RBFOX1: variants seen among roughly 807,000 people sequenced by gnomAD.
RBFOX1 encodes RNA binding fox-1 homolog 1.
RBFOX1 carries 8 observed loss-of-function variants against 57.7 expected under a neutral mutation model. The observed-to-expected ratio is 0.14, with a 90% CI of 0.08 to 0.25. The LOEUF (loss-of-function observed/expected upper bound fraction) is 0.25. Among genes scored for constraint, RBFOX1 ranks in the 10% least tolerant of loss-of-function variants. RBFOX1 has a pLI of 1.00. For missense variants in RBFOX1, 611 were observed against 548.5 expected, an observed-to-expected ratio of 1.11 and a Z score of -1.14; for synonymous variants, 326 against 222.4, an observed-to-expected ratio of 1.47 and a Z score of -4.15.
chr16:6,354,307 C>T (rs2086904395), intron 2 of RBFOX1, among the ~76,000 whole-genome samples: 4 of 152,234 alleles, frequency 2.6e-5, no homozygotes, highest in Admixed American at 6.5e-5. Context: ...GAGCTTTTGG[C>T]TTCTGTTGCT....
At chr16:5,662,183 C>G (rs1419209023) in intron 3 of RBFOX1, among the ~76,000 whole-genome samples, 1 of 152,150 alleles carries the variant, frequency 6.6e-6, no homozygotes, top group Non-Finnish European at 1.5e-5. Flanking sequence ...GGATTCGTAT[C>G]AAAGTTGATA....
intron 3 of RBFOX1, among the ~76,000 whole-genome samples, chr16:6,966,813 G>T (rs377054720): frequency 6.7e-6 from 1 of 150,072 alleles, no homozygotes; most frequent in Admixed American, 6.6e-5. Context: ...CTGTCTGTCT[G>T]TCTGTCTATC....
rs371938332 is a variant in RBFOX1 at position 5,337,454 on chromosome 16, A to AT, written c.219+97356dup. ...AATTAGTTTATAGACCCTCTAAAAT[A>AT]TTTTTTTCCTAAGTAAATGCAGAAA... On this transcript the variant is annotated intron_variant, in intron 1 of 2. Transcript: ENST00000585867. 4.7e-3 allele frequency among the ~76,000 whole-genome samples: 713 copies of AT among 152,184 alleles called. 2 individuals carry two copies. The highest frequency in any genetic ancestry group is 0.027 in the Middle Eastern group (8 of 294).
intron 3 of RBFOX1, among the ~76,000 whole-genome samples, chr16:5,648,641 C>G (rs2049126917): frequency 2.0e-5 from 3 of 152,166 alleles, no homozygotes; most frequent in Admixed American, 6.5e-5. Flanking sequence ...AGAGTTGACG[C>G]TGAGAAACTC....
At chr16:6,366,442 G>C (rs574932461) in intron 2 of RBFOX1, among the ~76,000 whole-genome samples, 1 of 152,034 alleles carries the variant, frequency 6.6e-6, no homozygotes, top group Non-Finnish European at 1.5e-5. Context: ...TTCATGGAGA[G>C]ATATGAGACA....
At chr16:6,505,499 G>A (rs756484786) in intron 2 of RBFOX1, among the ~76,000 whole-genome samples, 14 of 152,120 alleles carry the variant, frequency 9.2e-5, no homozygotes, top group East Asian at 5.8e-4. Flanking sequence ...AGGTATTCTC[G>A]AATGCAGTTT....
At chr16:5,263,415 G>C (rs1373969985) in intron 1 of RBFOX1, among the ~76,000 whole-genome samples, 1 of 152,174 alleles carries the variant, frequency 6.6e-6, no homozygotes, top group Non-Finnish European at 1.5e-5. Context: ...GGGAACACAG[G>C]AAAGGAGCTG....
At chr16:6,129,943 A>G (rs1220756276) in intron 1 of RBFOX1, among the ~76,000 whole-genome samples, 2 of 152,158 alleles carry the variant, frequency 1.3e-5, no homozygotes, top group East Asian at 3.9e-4. Context: ...ACTGGCAAAA[A>G]TATTCTTAAA....
chr16:5,915,747 G>A (rs1164210989), intron 4 of RBFOX1, among the ~76,000 whole-genome samples: 3 of 152,058 alleles, frequency 2.0e-5, no homozygotes, highest in South Asian at 2.1e-4. Context: ...CGCGAAAATT[G>A]CTTGAACCCT....
intron 1 of RBFOX1, among the ~76,000 whole-genome samples, chr16:6,307,578 T>C (rs2079672983): frequency 6.7e-6 from 1 of 148,520 alleles, no homozygotes; most frequent in Admixed American, 6.8e-5. Context: ...TAATATATAA[T>C]AGAGAAAATG....
chr16:7,318,306 G>A (rs931870071), intron 4 of RBFOX1, among the ~76,000 whole-genome samples: 1 of 151,962 alleles, frequency 6.6e-6, no homozygotes, highest in African/African-American at 2.4e-5. Context: ...AGTGCTGGTG[G>A]TGCTGGTGGC....
chr16:6,489,139 C>T (rs562391043), intron 2 of RBFOX1, among the ~76,000 whole-genome samples: 5 of 152,144 alleles, frequency 3.3e-5, no homozygotes, highest in South Asian at 4.2e-4. Context: ...CTCTTTAGTA[C>T]GAGAAGTGCT....
chr16:6,554,034 A>T (rs1040433256), intron 2 of RBFOX1, among the ~76,000 whole-genome samples: 1 of 123,978 alleles, frequency 8.1e-6, no homozygotes, highest in Non-Finnish European at 1.5e-5. Context: ...TTTTGAAAGT[A>T]TGAATGAATG....
At position 7,345,083 on chromosome 16, in the gene RBFOX1, T is replaced by A. The variant is rs557034756; in HGVS notation, c.28-173064T>A. ...TGGGACTGGGTCTTGTGGCTCTATT[T>A]TCAAGACCTTTATTTTTGGTTATCA... is the stretch of plus-strand genomic sequence containing the variant. On this transcript the variant is annotated intron_variant, in intron 4 of 15. Transcript: ENST00000550418. Among the ~76,000 whole-genome samples, 32 of 152,248 alleles carry A rather than the reference T, an allele frequency of 2.1e-4. No individual in the cohort carries two copies. The South Asian group carries it at 6.6e-3, about 32-fold the overall frequency.
chr16:5,785,461 C>A (rs766422388), intron 3 of RBFOX1, among the ~76,000 whole-genome samples: 1 of 152,078 alleles, frequency 6.6e-6, no homozygotes, highest in African/African-American at 2.4e-5. Context: ...TCTGTCCTAC[C>A]TTCTGTATAT....
chr16:6,772,724 T>A (rs111067673), intron 3 of RBFOX1, among the ~76,000 whole-genome samples: 18,187 of 139,344 alleles, frequency 0.13, 2,425 homozygotes, highest in African/African-American at 0.35. Context: ...ATGTGTGTGA[T>A]TGTGTATGTG....
intron 4 of RBFOX1, chr16:7,332,963 G>C: frequency 6.2e-7 from 1 of 1,612,758 alleles, no homozygotes; most frequent in East Asian, 2.2e-5. Context: ...CTCCATTGAT[G>C]TGTTGAGCTT....
chr16:6,171,667 T>G (rs1174104770), intron 1 of RBFOX1, among the ~76,000 whole-genome samples: 2 of 152,170 alleles, frequency 1.3e-5, no homozygotes, highest in Non-Finnish European at 2.9e-5. Flanking sequence ...CAGCCTGGCC[T>G]AGAGCATAAG....
intron 4 of RBFOX1, among the ~76,000 whole-genome samples, chr16:7,159,316 A>C (rs2077795773): frequency 6.6e-6 from 1 of 152,070 alleles, no homozygotes; most frequent in African/African-American, 2.4e-5. Context: ...CGTCATGCCT[A>C]TCCCAGAGAC....
Sources: allele counts gnomAD v4.1 joint callset (sites outside exome capture counted in the v4.1 genomes callset), GRCh38; gene constraint gnomAD v4.1.1; transcripts MANE v1.5; gene names NCBI Gene and HGNC (gene_info 2026-07-23, HGNC 2026-07-21).